Variants in CNTN5 observed in about 807,000 individuals in gnomAD.
CNTN5 encodes contactin-5.
In CNTN5, 77 loss-of-function variants were observed where a neutral mutation model predicts 129.1. The ratio of observed to expected loss-of-function variants is 0.60; its 90% CI spans 0.50 to 0.72. The LOEUF (loss-of-function observed/expected upper bound fraction) is 0.72. Ranked by LOEUF, CNTN5 falls within the 30% of genes least tolerant of loss-of-function variation. CNTN5 has a pLI of 0.00. For missense variants in CNTN5, 1,478 were observed against 1,328.8 expected (o/e 1.11, Z -1.75); for synonymous variants, 509 against 465.6 (o/e 1.09, Z -1.20).
At chr11:99,591,707 G>C (rs540128191) in intron 3 of CNTN5, among the ~76,000 whole-genome samples, 2 of 152,226 alleles carry the variant, frequency 1.3e-5, no homozygotes, top group South Asian at 4.1e-4. Flanking sequence ...CATGGATATT[G>C]TAAGAATTGT....
At chr11:99,996,170 G>A (rs142576654) in intron 8 of CNTN5, among the ~76,000 whole-genome samples, 169 of 151,956 alleles carry the variant, frequency 1.1e-3, no homozygotes, top group Admixed American at 2.8e-3. Flanking sequence ...ATTGTCTGCC[G>A]AGTTTTGCCA....
chr11:99,646,566 A>T (rs985548126), intron 3 of CNTN5, among the ~76,000 whole-genome samples: 7 of 152,218 alleles, frequency 4.6e-5, no homozygotes, highest in South Asian at 4.1e-4. Flanking sequence ...TGACTGGTCA[A>T]TATGACTATT....
At chr11:99,688,559 G>T (rs1176446555) in intron 3 of CNTN5, among the ~76,000 whole-genome samples, 1 of 151,276 alleles carries the variant, frequency 6.6e-6, no homozygotes, top group Non-Finnish European at 1.5e-5. Flanking sequence ...CAGGTAGAAA[G>T]ATGGAAATTT....
intron 1 of CNTN5, among the ~76,000 whole-genome samples, chr11:99,125,234 C>A (rs1200591542): frequency 3.9e-5 from 6 of 151,972 alleles, no homozygotes; most frequent in Non-Finnish European, 5.9e-5. Context: ...CCGAATCCAG[C>A]AGCACATTAG....
At chr11:99,444,236 A>G (rs1369215600) in intron 2 of CNTN5, among the ~76,000 whole-genome samples, 1 of 151,982 alleles carries the variant, frequency 6.6e-6, no homozygotes, top group Non-Finnish European at 1.5e-5. Context: ...GAGAGAGAGA[A>G]AGAAAATATA....
intron 1 of CNTN5, among the ~76,000 whole-genome samples, chr11:99,123,338 A>T (rs1008987102): frequency 6.6e-6 from 1 of 151,986 alleles, no homozygotes. Context: ...GGCCACATGT[A>T]TGTCTTCTTT....
At chr11:100,107,889 T>C (rs1327359632) in intron 13 of CNTN5, among the ~76,000 whole-genome samples, 2 of 152,020 alleles carry the variant, frequency 1.3e-5, no homozygotes, top group South Asian at 2.1e-4. Context: ...ATCAAACTCT[T>C]CACAAAATGT....
chr11:99,555,575 C>T lies in CNTN5; in HGVS notation c.-70-570C>T, dbSNP rs77399409. Among the ~76,000 whole-genome samples the T allele has an allele frequency of 1.2e-3, 176 of 151,934 alleles. 1 individual carries two copies. The highest frequency in any genetic ancestry group is 4.0e-3 in the African/African-American group (168 of 41,514). On this transcript the variant is annotated intron_variant, in intron 2 of 24. Transcript: ENST00000524871. ...CTTACGTTCCAGCCAGCAAAAGATA[C>T]TGAAAGAAATAATTCACCAAAGGAG...
chr11:99,993,718 T>C (rs1261530771), intron 8 of CNTN5, among the ~76,000 whole-genome samples: 2 of 152,026 alleles, frequency 1.3e-5, no homozygotes, highest in African/African-American at 4.8e-5. Flanking sequence ...CACAGACCAC[T>C]GCAGGTCTGT....
At chr11:99,785,579 G>A (rs2583148) in intron 3 of CNTN5, among the ~76,000 whole-genome samples, 31,768 of 152,020 alleles carry the variant, frequency 0.21, 4,441 homozygotes, top group Non-Finnish European at 0.32. Context: ...GATGAACATC[G>A]ACGCAAATAT....
intron 3 of CNTN5, among the ~76,000 whole-genome samples, chr11:99,627,799 A>G (rs556293717): frequency 6.6e-6 from 1 of 151,858 alleles, no homozygotes; most frequent in South Asian, 2.1e-4. Flanking sequence ...TAAATAGAGC[A>G]CTGACAAGTC....
chr11:100,304,887 A>G (rs1357390969), intron 20 of CNTN5, among the ~76,000 whole-genome samples: 2 of 151,162 alleles, frequency 1.3e-5, no homozygotes, highest in Admixed American at 1.3e-4. Flanking sequence ...AAGAATTAAG[A>G]ACAGGGTTTG....
At chr11:100,311,514 T>A (rs1951472816) in intron 21 of CNTN5, among the ~76,000 whole-genome samples, 1 of 152,036 alleles carries the variant, frequency 6.6e-6, no homozygotes, top group Non-Finnish European at 1.5e-5. Flanking sequence ...ATAGTTTGTA[T>A]GCATATACCA....
At chr11:100,268,282 T>C (rs1950344049) in intron 17 of CNTN5, among the ~76,000 whole-genome samples, 1 of 152,132 alleles carries the variant, frequency 6.6e-6, no homozygotes, top group Admixed American at 6.5e-5. Flanking sequence ...TAGCGTAAAG[T>C]TATTGGCATA....
chr11:100,097,900 G>A (rs1019106974), intron 13 of CNTN5, among the ~76,000 whole-genome samples: 9 of 151,950 alleles, frequency 5.9e-5, no homozygotes, highest in South Asian at 2.1e-4. Flanking sequence ...TTCAATAGCC[G>A]ATCAGATGAA....
At chr11:100,002,272 C>T in intron 9 of CNTN5, 136 bp downstream of exon 9, 1 of 548,966 alleles carries the variant, frequency 1.8e-6, no homozygotes, top group Non-Finnish European at 3.1e-6. Context: ...AAAAGAAGGT[C>T]AAATGGCAAT....
At position 99,663,487 on chromosome 11, in the gene CNTN5, CA is replaced by C. The variant is rs373017202; in HGVS notation, c.55+107224del. 3.7e-3 allele frequency among the ~76,000 whole-genome samples: 567 copies of C among 152,032 alleles called. 4 individuals are homozygous for C. The highest frequency in any genetic ancestry group is 0.012 in the African/African-American group (510 of 41,506). ...CGTCTCAAAAAACAATGAAACAAAA[CA>C]AAAAAGAAACAAAAAGACACGTTAA... On this transcript the variant is annotated intron_variant, in intron 3 of 24. Transcript: ENST00000524871.
intron 9 of CNTN5, 23 bp from the exon 10 acceptor site, chr11:100,061,189 A>G: frequency 6.3e-7 from 1 of 1,581,234 alleles, no homozygotes; most frequent in Non-Finnish European, 8.7e-7. Context: ...GTGTATTAAC[A>G]GTATTTTTGT....
chr11:99,582,833 C>G (rs1474710137), intron 3 of CNTN5, among the ~76,000 whole-genome samples: 1 of 152,218 alleles, frequency 6.6e-6, no homozygotes, highest in Non-Finnish European at 1.5e-5. Flanking sequence ...TCGTCAAAGT[C>G]ATTCCCTGTC....
Sources: gnomAD v4.1 joint callset for allele counts (sites outside exome capture counted in the v4.1 genomes callset) on GRCh38, gnomAD v4.1.1 for gene constraint, MANE v1.5 for transcripts, NCBI Gene and HGNC (gene_info 2026-07-23, HGNC 2026-07-21) for gene names.